MINK1: variants seen among roughly 807,000 people sequenced by gnomAD.
MINK1 encodes misshapen like kinase 1.
In MINK1, 46 loss-of-function variants were observed where a neutral mutation model predicts 178.4. The ratio of observed to expected loss-of-function variants is 0.26; its 90% CI spans 0.20 to 0.33. MINK1 has a LOEUF of 0.33. MINK1 is among the 10% of genes least tolerant of loss of function. MINK1 has a pLI of 1.00. For missense variants in MINK1, 1,366 were observed against 1,814.9 expected (o/e 0.75, Z 4.49); for synonymous variants, 797 against 709.7 (o/e 1.12, Z -1.96).
chr17:4,863,804 T>TA (rs35409075), intron 1 of MINK1, among the ~76,000 whole-genome samples: 32 of 149,364 alleles, frequency 2.1e-4, no homozygotes, highest in Non-Finnish European at 3.6e-4. Flanking sequence ...TTATTATTAT[T>TA]TTTGAGACGG....
chr17:4,848,302 C>T (rs2045790526), intron 1 of MINK1, among the ~76,000 whole-genome samples: 1 of 152,166 alleles, frequency 6.6e-6, no homozygotes, highest in South Asian at 2.1e-4. Flanking sequence ...TGATTCAAAC[C>T]CCAGTTCTGT....
chr17:4,894,165 G>C lies in MINK1; in HGVS notation c.2671-9G>C. 1.2e-6 allele frequency: 2 copies of C among 1,613,398 alleles called. No homozygotes were observed. The highest frequency in any genetic ancestry group is 1.7e-6 in the Non-Finnish European group (2 of 1,179,608). On this transcript the variant is annotated splice_polypyrimidine_tract_variant and intron_variant, in intron 22 of 31. Coordinates refer to ENST00000355280, the MANE Select transcript of MINK1 (RefSeq NM_153827.5). The surrounding 1 kb of genome is among the most constrained non-coding windows in gnomAD (Gnocchi z 4.1). ...CAGCCCCACGCCAACCCTGCCCTCT[G>C]TCCTGTAGACCCCTGAAGAGGAGCG...
intron 1 of MINK1, among the ~76,000 whole-genome samples, chr17:4,848,236 G>A (rs1424560200): frequency 6.6e-6 from 1 of 152,162 alleles, no homozygotes; most frequent in Admixed American, 6.5e-5. Flanking sequence ...GAGGAACCTG[G>A]AATGGGGGAC....
At chr17:4,864,489 C>T (rs1015536829) in intron 1 of MINK1, among the ~76,000 whole-genome samples, 2 of 151,736 alleles carry the variant, frequency 1.3e-5, no homozygotes, top group East Asian at 3.9e-4. Context: ...TTTGGGAGGC[C>T]GAGGTGGAGT....
At chr17:4,880,388 C>T (rs2150988432) in intron 2 of MINK1, among the ~76,000 whole-genome samples, 1 of 150,054 alleles carries the variant, frequency 6.7e-6, no homozygotes, top group African/African-American at 2.4e-5. Context: ...CAGGTTCAGG[C>T]AATTCTCGTG....
intron 1 of MINK1, among the ~76,000 whole-genome samples, chr17:4,844,378 A>C (rs1910692873): frequency 6.6e-6 from 1 of 152,116 alleles, no homozygotes; most frequent in Admixed American, 6.5e-5. Context: ...GAGGACTAAA[A>C]CATTATCCAT....
At chr17:4,858,587 A>G (rs1046168609) in intron 1 of MINK1, among the ~76,000 whole-genome samples, 1 of 150,040 alleles carries the variant, frequency 6.7e-6, no homozygotes, top group Non-Finnish European at 1.5e-5. Context: ...AGTGATTCTC[A>G]TGCCTTACCC....
At position 4,886,512 on chromosome 17, in the gene MINK1, C is replaced by G; in HGVS notation, c.835C>G (p.Pro279Ala). 1 of 1,613,650 alleles carries G rather than the reference C, an allele frequency of 6.2e-7. No homozygotes were observed. The highest frequency in any genetic ancestry group is 8.5e-7 in the Non-Finnish European group (1 of 1,179,756). Reference protein sequence around the residue: ...CLIKTYLSRPPTEQLLKFPFI... With the variant: ...CLIKTYLSRPATEQLLKFPFI... ...CATCAAGACTTACCTGAGCCGCCCA[C>G]CCACGGAGCAGCTACTGAAGTTTCC... The change falls in exon 10 of 32, where the codon CCC (proline) becomes GCC (alanine). Residue 279 changes from proline (P) to alanine (A), a missense_variant. By Grantham distance (27) the Pro-to-Ala change is conservative. Around this residue, in one of 14 missense-constraint regions of MINK1, gnomAD observed 109 missense variants for 369.4 expected, o/e 0.30. Transcript: ENST00000355280. This position sits in a 1 kb window ranked among gnomAD's most constrained non-coding sequence, Gnocchi z 6.1.
intron 1 of MINK1, among the ~76,000 whole-genome samples, chr17:4,846,253 G>A (rs1911012337): frequency 6.6e-6 from 1 of 152,342 alleles, no homozygotes; most frequent in Non-Finnish European, 1.5e-5. Context: ...CCTCACAATA[G>A]TGTCAGATTG....
In MINK1 at chr17:4,886,762, C is replaced by A. The variant is rs921655757; in HGVS notation, c.949+136C>A. On this transcript the variant is annotated intron_variant, in intron 10 of 31. Coordinates refer to ENST00000355280, the MANE Select transcript of MINK1 (RefSeq NM_153827.5). This position sits in a 1 kb window ranked among gnomAD's most constrained non-coding sequence, Gnocchi z 6.1. ...GCTCTCCCTGTCCAAGGAGATCGTT[C>A]TCAAACTTGCAACCCCCAAGGGGTT... The A allele has an allele frequency of 3.9e-6, 4 of 1,033,394 alleles. No individual in the cohort carries two copies. Among genetic ancestry groups the A allele is most frequent in the African/African-American group, 3.2e-5 (2 of 61,786 alleles). 64.0% of individuals were successfully genotyped at this position (1,033,394 alleles called of 1,614,324 possible). A position where few individuals can be genotyped will look rare whatever the true frequency, so the allele number is the denominator to read the frequency against.
intron 31 of MINK1, 79 bp from the exon 32 acceptor site, chr17:4,897,122 CCTT>C: frequency 8.4e-7 from 1 of 1,187,952 alleles, no homozygotes; most frequent in East Asian, 2.5e-5. Context: ...TTCTGCCACC[CCTT>C]CTTCCCTTCT....
rs550954118 is a variant in MINK1 at position 4,836,447 on chromosome 17, G to A, written c.57+2807G>A. Among the ~76,000 whole-genome samples the A allele has an allele frequency of 2.2e-4, 33 of 152,270 alleles. No homozygotes were observed. The highest frequency in any genetic ancestry group is 3.5e-4 in the Non-Finnish European group (24 of 68,028). ...TTTTCTCCACCAGCCTGGCTGCAGCGTGGTGAGGAAAAGCATGTGGTTTGA... is the reference window on the plus strand; with the variant it reads ...TTTTCTCCACCAGCCTGGCTGCAGCATGGTGAGGAAAAGCATGTGGTTTGA... On this transcript the variant is annotated intron_variant, in intron 1 of 31. Transcript: ENST00000355280. The surrounding 1 kb of genome is among the most constrained non-coding windows in gnomAD (Gnocchi z 4.3).
chr17:4,857,556 T>A (rs563134161), intron 1 of MINK1, among the ~76,000 whole-genome samples: 2 of 134,038 alleles, frequency 1.5e-5, no homozygotes, highest in South Asian at 5.0e-4. Flanking sequence ...AACCTCTGCC[T>A]CCAGGGCTCA....
chr17:4,880,922 A>T, intron 2 of MINK1, 62 bp from the exon 3 acceptor site: 2 of 1,417,566 alleles, frequency 1.4e-6, no homozygotes, highest in South Asian at 1.5e-5. Context: ...TGTGTCTCCT[A>T]GAGTCAAGCC....
At chr17:4,893,195 G>A in intron 20 of MINK1, 128 bp downstream of exon 20, 1 of 1,553,158 alleles carries the variant, frequency 6.4e-7, no homozygotes, top group South Asian at 1.1e-5. Flanking sequence ...AGGGACTGGT[G>A]CTTCTCATGG....
chr17:4,860,914 AG>A, intron 1 of MINK1: 1 of 442,698 alleles, frequency 2.3e-6, no homozygotes, highest in Non-Finnish European at 4.6e-6. Flanking sequence ...AAATAGTTAA[AG>A]GGGGATTTAA....
At chr17:4,891,772 G>A in intron 16 of MINK1, 56 bp downstream of exon 16, 1 of 1,532,654 alleles carries the variant, frequency 6.5e-7, no homozygotes, top group Admixed American at 2.0e-5. Context: ...TGAAGAGAAG[G>A]AGGGCAGTGA....
Position 4,886,253 on chromosome 17 carries a change from C to G in MINK1, c.773+55C>G. On this transcript the variant is annotated intron_variant, in intron 9 of 31. Coordinates refer to ENST00000355280, the MANE Select transcript of MINK1 (RefSeq NM_153827.5). The surrounding 1 kb of genome is among the most constrained non-coding windows in gnomAD (Gnocchi z 6.1). ...AGGAAGGTCCCTGGACAAGGCCATCCCCACCTTCATGCCCTCTGTGCTCAG... is the reference window on the plus strand; with the variant it reads ...AGGAAGGTCCCTGGACAAGGCCATCGCCACCTTCATGCCCTCTGTGCTCAG... The G allele has an allele frequency of 5.7e-6, 9 of 1,582,842 alleles. No homozygotes were observed. The highest frequency in any genetic ancestry group is 6.9e-6 in the Non-Finnish European group (8 of 1,151,726).
intron 16 of MINK1, 43 bp from the exon 17 acceptor site, chr17:4,892,106 C>T: frequency 6.7e-7 from 1 of 1,488,092 alleles, no homozygotes; most frequent in Non-Finnish European, 9.2e-7. Flanking sequence ...TGAGAAGTGC[C>T]TGTCGCAGCG....
Sources: allele counts gnomAD v4.1 joint callset (sites outside exome capture counted in the v4.1 genomes callset), GRCh38; gene constraint gnomAD v4.1.1; regional missense constraint gnomAD v4.1.1; non-coding constraint Gnocchi (gnomAD v3.1); transcripts MANE v1.5; gene names NCBI Gene and HGNC (gene_info 2026-07-23, HGNC 2026-07-21).